GPR39: variants seen among roughly 807,000 people sequenced by gnomAD.
GPR39 encodes the protein zinc sensing receptor.
A neutral mutation model predicts 18.4 loss-of-function variants in GPR39; 23 were observed. The observed-to-expected ratio is 1.25, with a 90% CI of 0.90 to 1.77. GPR39 has a LOEUF of 1.77. Among genes scored for constraint, GPR39 ranks in the 40% most tolerant of loss-of-function variants. The probability of loss-of-function intolerance (pLI) is 0.00; values close to 1 mark genes in which losing one functional copy is unlikely to be tolerated. For missense variants in GPR39, 647 were observed against 602.4 expected (o/e 1.07, Z -0.78); for synonymous variants, 280 against 257.9 (o/e 1.09, Z -0.82).
intron 1 of GPR39, among the ~76,000 whole-genome samples, chr2:132,441,328 T>C (rs1229876696): frequency 6.6e-6 from 1 of 152,210 alleles, no homozygotes; most frequent in Admixed American, 6.5e-5. Flanking sequence ...TTTCAAACTC[T>C]TGGTTAAGAA....
chr2:132,624,446 C>T (rs919871430), intron 1 of GPR39, among the ~76,000 whole-genome samples: 3 of 152,154 alleles, frequency 2.0e-5, no homozygotes, highest in Admixed American at 6.5e-5. Flanking sequence ...TGGAATAATT[C>T]GAAAGAAATA....
At chr2:132,452,462 C>G (rs1680646496) in intron 1 of GPR39, among the ~76,000 whole-genome samples, 1 of 151,430 alleles carries the variant, frequency 6.6e-6, no homozygotes, top group Admixed American at 6.6e-5. Flanking sequence ...ACTGTTCTTT[C>G]CTTTCTGTTT....
chr2:132,545,530 A>G lies in GPR39; in HGVS notation c.857-99571A>G, dbSNP rs75734240. On this transcript the variant is annotated intron_variant, in intron 1 of 1. Transcript: ENST00000329321. ...AAAATAAATCCTACATTCACTCACC[A>G]AACACTTACTAATGCTAAGAGTGGC... Among the ~76,000 whole-genome samples the G allele has an allele frequency of 1.9e-3, 295 of 152,316 alleles. 1 individual carries two copies. Among genetic ancestry groups the G allele is most frequent in the African/African-American group, 6.9e-3 (286 of 41,554 alleles).
rs551038827 is a variant in GPR39, at chr2:132,542,154, A to G, written c.857-102947A>G. 2.1e-4 allele frequency among the ~76,000 whole-genome samples: 32 copies of G among 152,300 alleles called. No individual in the cohort carries two copies. In the Middle Eastern group the frequency reaches 0.02, roughly 97 times the overall value. On this transcript the variant is annotated intron_variant, in intron 1 of 1. Coordinates refer to ENST00000329321, the MANE Select transcript of GPR39 (RefSeq NM_001508.3). ...TGAATTTTGGGGGCACATTCCATCTATAGCAGGTGGACAGGAAGATTCCAT... is the reference window on the plus strand; with the variant it reads ...TGAATTTTGGGGGCACATTCCATCTGTAGCAGGTGGACAGGAAGATTCCAT...
At chr2:132,474,609 C>T (rs911755415) in intron 1 of GPR39, among the ~76,000 whole-genome samples, 2 of 152,170 alleles carry the variant, frequency 1.3e-5, no homozygotes, top group South Asian at 4.1e-4. Flanking sequence ...ACAAATCAAG[C>T]AACACCCTAG....
intron 1 of GPR39, among the ~76,000 whole-genome samples, chr2:132,510,045 C>G (rs1404822792): frequency 6.6e-6 from 1 of 152,214 alleles, no homozygotes; most frequent in Non-Finnish European, 1.5e-5. Flanking sequence ...ATATCTCTAA[C>G]TATGACTGAG....
intron 1 of GPR39, among the ~76,000 whole-genome samples, chr2:132,487,896 A>C (rs962006501): frequency 1.3e-5 from 2 of 152,224 alleles, no homozygotes; most frequent in Non-Finnish European, 2.9e-5. Context: ...ATCTAAAACT[A>C]ATGAAATTAA....
chr2:132,584,303 C>A (rs973627656), intron 1 of GPR39, among the ~76,000 whole-genome samples: 26 of 152,134 alleles, frequency 1.7e-4, no homozygotes, highest in African/African-American at 6.3e-4. Flanking sequence ...CCCCGAAAGG[C>A]CTGCGTGTTC....
intron 1 of GPR39, among the ~76,000 whole-genome samples, chr2:132,502,124 T>A (rs113965611): frequency 6.6e-6 from 1 of 152,184 alleles, no homozygotes; most frequent in Non-Finnish European, 1.5e-5. Context: ...TCGTGCTATT[T>A]GTTGCCTGAA....
chr2:132,437,992 A>G (rs1362686244), intron 1 of GPR39, among the ~76,000 whole-genome samples: 4 of 152,186 alleles, frequency 2.6e-5, no homozygotes, highest in African/African-American at 9.7e-5. Context: ...CTAAGAGGTT[A>G]GTATTTAGAG....
rs755639685 is a variant in GPR39, at chr2:132,645,268, C to T, written c.1024C>T (p.Leu342Phe). ...CTACCTCAGCTCGGTCATCAACCCG[C>T]TCCTGTACACGGTGTCCTCGCAGCA... Reference protein sequence around the residue: ...FFYLSSVINPLLYTVSSQQFR... With the variant: ...FFYLSSVINPFLYTVSSQQFR... The change falls in exon 2 of 2, where the codon CTC becomes TTC. Residue 342 changes from leucine (L) to phenylalanine (F), a missense_variant. By Grantham distance (22) the Leu-to-Phe change is conservative. Transcript: ENST00000329321. 1.4e-5 allele frequency: 23 copies of T among 1,614,094 alleles called. No homozygotes were observed. The South Asian group carries it at 1.9e-4, about 13-fold the overall frequency.
chr2:132,457,431 C>T (rs1680750152), intron 1 of GPR39, among the ~76,000 whole-genome samples: 3 of 152,132 alleles, frequency 2.0e-5, no homozygotes, highest in Admixed American at 1.3e-4. Context: ...GAATGTCCTC[C>T]TTTAGCTTGG....
At chr2:132,625,379 A>G (rs1198779851) in intron 1 of GPR39, among the ~76,000 whole-genome samples, 1 of 152,064 alleles carries the variant, frequency 6.6e-6, no homozygotes. Context: ...TACTTTATAT[A>G]TTCTCCATGA....
chr2:132,556,041 A>G (rs1460317503), intron 1 of GPR39, among the ~76,000 whole-genome samples: 2 of 152,040 alleles, frequency 1.3e-5, no homozygotes, highest in Non-Finnish European at 2.9e-5. Context: ...TTCTCACAGG[A>G]TAATGATGCT....
At chr2:132,515,637 G>T (rs1316727072) in intron 1 of GPR39, among the ~76,000 whole-genome samples, 1 of 152,144 alleles carries the variant, frequency 6.6e-6, no homozygotes, top group African/African-American at 2.4e-5. Context: ...CCTGAAGTGG[G>T]TCATAGAGAC....
intron 1 of GPR39, among the ~76,000 whole-genome samples, chr2:132,625,837 G>T (rs1406994295): frequency 6.6e-6 from 1 of 152,174 alleles, no homozygotes; most frequent in Non-Finnish European, 1.5e-5. Context: ...GCCTGGCTGG[G>T]TGCAGTGGCT....
At chr2:132,435,582 G>T (rs1224241868) in intron 1 of GPR39, among the ~76,000 whole-genome samples, 1 of 152,192 alleles carries the variant, frequency 6.6e-6, no homozygotes, top group East Asian at 1.9e-4. Context: ...GTGCAGGGAA[G>T]GGTGTGTTAG....
intron 1 of GPR39, among the ~76,000 whole-genome samples, chr2:132,589,690 G>T (rs1680795198): frequency 6.6e-6 from 1 of 152,072 alleles, no homozygotes; most frequent in South Asian, 2.1e-4. Flanking sequence ...AAGCCTATTT[G>T]GTTTTATTAG....
chr2:132,619,281 G>A (rs915509730), intron 1 of GPR39, among the ~76,000 whole-genome samples: 1 of 152,246 alleles, frequency 6.6e-6, no homozygotes, highest in Non-Finnish European at 1.5e-5. Flanking sequence ...TGAGGCACTG[G>A]ACTGGGTGGC....
Sources: allele counts gnomAD v4.1 joint callset (sites outside exome capture counted in the v4.1 genomes callset), GRCh38; gene constraint gnomAD v4.1.1; transcripts MANE v1.5; gene names NCBI Gene and HGNC (gene_info 2026-07-23, HGNC 2026-07-21).